Variants in TENM2 observed in about 807,000 individuals in gnomAD.
TENM2 encodes teneurin transmembrane protein 2, also known as teneurin-2.
Under a neutral mutation model 245.2 loss-of-function variants are expected in TENM2, and 52 were observed. The ratio of observed to expected loss-of-function variants is 0.21; its 90% CI spans 0.17 to 0.27. The LOEUF (loss-of-function observed/expected upper bound fraction) is 0.27, where lower values mean the gene tolerates loss of function less well. Among genes scored for constraint, TENM2 ranks in the 10% least tolerant of loss-of-function variants. The pLI is 1.00. For synonymous variants in TENM2, 1,363 were observed against 1,438.9 expected (o/e 0.95, Z 1.19); for missense variants, 3,046 against 3,666.8 (o/e 0.83, Z 4.37).
the TENM2 span, among the ~76,000 whole-genome samples, chr5:167,218,227 G>C: frequency 6.6e-6 from 1 of 151,960 alleles, no homozygotes; most frequent in Non-Finnish European, 1.5e-5. Context: ...CACTGCTTAG[G>C]CTGAAGATAA....
intron 2 of TENM2, among the ~76,000 whole-genome samples, chr5:167,421,081 A>G (rs1763476249): frequency 6.6e-6 from 1 of 152,198 alleles, no homozygotes; most frequent in Admixed American, 6.5e-5. Flanking sequence ...ATAAAATTGT[A>G]AAGGTGTTTT....
intron 24 of TENM2, among the ~76,000 whole-genome samples, chr5:168,227,282 A>G (rs924628252): frequency 6.6e-6 from 1 of 152,164 alleles, no homozygotes; most frequent in South Asian, 2.1e-4. Flanking sequence ...GCACCCACCC[A>G]CTGACTCCAG....
chr5:167,546,379 G>A (rs1772561171), intron 2 of TENM2, among the ~76,000 whole-genome samples: 1 of 152,092 alleles, frequency 6.6e-6, no homozygotes, highest in Non-Finnish European at 1.5e-5. Context: ...TCCCATAAAT[G>A]GCATGATCTC....
chr5:167,974,065 G>GAAGGAAAGAAGGAA (rs1383625830), intron 4 of TENM2, among the ~76,000 whole-genome samples: 2 of 13,900 alleles, frequency 1.4e-4, no homozygotes, highest in Non-Finnish European at 1.2e-4. Context: ...AAAGGAGGGA[G>GAAGGAAAGAAGGAA]GGAGGGAGGA....
At chr5:168,063,964 T>A (rs950249760) in intron 7 of TENM2, among the ~76,000 whole-genome samples, 7 of 151,848 alleles carry the variant, frequency 4.6e-5, no homozygotes, top group Non-Finnish European at 1.0e-4. Flanking sequence ...CCTCCATCCA[T>A]CCATCCATCC....
chr5:167,678,104 A>G (rs973725832), intron 2 of TENM2, among the ~76,000 whole-genome samples: 2 of 152,150 alleles, frequency 1.3e-5, no homozygotes, highest in African/African-American at 4.8e-5. Context: ...AATAGATTTT[A>G]ATACATATGC....
the TENM2 span, among the ~76,000 whole-genome samples, chr5:167,261,922 T>C: frequency 1.3e-5 from 2 of 152,150 alleles, no homozygotes; most frequent in South Asian, 4.1e-4. Flanking sequence ...CTCTAACAGC[T>C]CCATTTTGGG....
At chr5:167,293,467 G>T (rs1265424704) in intron 1 of TENM2, among the ~76,000 whole-genome samples, 1 of 147,446 alleles carries the variant, frequency 6.8e-6, no homozygotes, top group African/African-American at 2.5e-5. Context: ...TGATCCACCC[G>T]CCTCGGGCTT....
Position 168,004,517 on chromosome 5 carries a change from G to GCGCGCACACA in TENM2, c.1186+11336_1186+11337insGCGCACACAC, listed in dbSNP as rs898616203. Among the ~76,000 whole-genome samples the GCGCGCACACA allele has an allele frequency of 7.0e-3, 920 of 132,190 alleles. 10 individuals are homozygous for GCGCGCACACA. The highest frequency in any genetic ancestry group is 0.018 in the African/African-American group (594 of 33,090). The allele number at this position is 132,190 out of a possible 152,430, so 86.7% of individuals were successfully genotyped here. A position where few individuals can be genotyped will look rare whatever the true frequency, so the allele number is the denominator to read the frequency against. ...TTGGGATGCACGCATGCGCGCGCGC[G>GCGCGCACACA]CACACACACACACACACACACACAC... is the stretch of plus-strand genomic sequence containing the variant. On this transcript the variant is annotated intron_variant, in intron 5 of 28. Coordinates refer to ENST00000518659, the Ensembl canonical transcript of TENM2.
intron 2 of TENM2, among the ~76,000 whole-genome samples, chr5:167,378,739 G>A (rs1044870858): frequency 2.6e-5 from 4 of 152,066 alleles, no homozygotes; most frequent in African/African-American, 4.8e-5. Context: ...AAAAGGGGTA[G>A]TCAGTAATAC....
At position 168,098,151 on chromosome 5, in the gene TENM2, A is replaced by C. The variant is rs761423487; in HGVS notation, c.1813+24A>C. On this transcript the variant is annotated intron_variant, in intron 9 of 28. Coordinates refer to ENST00000518659, the Ensembl canonical transcript of TENM2. ...AGGTATGTGCCGCCACTTCCCTGCT[A>C]TGGTTGGAAAACAGACCCTCCCTAG... The C allele has an allele frequency of 3.2e-6, 5 of 1,571,128 alleles. No homozygotes were observed. In the South Asian group the frequency reaches 5.6e-5, roughly 18 times the overall value.
intron 24 of TENM2, 136 bp downstream of exon 26, chr5:168,226,399 A>C (rs545228047): frequency 2.9e-6 from 2 of 698,562 alleles, no homozygotes; most frequent in African/African-American, 1.8e-5. Context: ...ATTTTATTCA[A>C]GTGTCCACAG....
At chr5:167,976,575 T>C (rs549002953) in intron 4 of TENM2, among the ~76,000 whole-genome samples, 2 of 152,304 alleles carry the variant, frequency 1.3e-5, no homozygotes, top group African/African-American at 4.8e-5. Context: ...TCTGATCTTA[T>C]GACAGAAGTA....
chr5:167,490,782 A>T (rs1768383527), intron 2 of TENM2, among the ~76,000 whole-genome samples: 1 of 152,188 alleles, frequency 6.6e-6, no homozygotes, highest in Non-Finnish European at 1.5e-5. Context: ...TTATTAGTTA[A>T]GCCTCTCTAC....
intron 3 of TENM2, among the ~76,000 whole-genome samples, chr5:167,923,181 T>A (rs1430182670): frequency 6.6e-6 from 1 of 152,090 alleles, no homozygotes; most frequent in East Asian, 1.9e-4. Context: ...AAAAATTAAC[T>A]GGGAGTGGTG....
At chr5:167,589,958 AG>A (rs1775768558) in intron 2 of TENM2, among the ~76,000 whole-genome samples, 1 of 151,880 alleles carries the variant, frequency 6.6e-6, no homozygotes, top group Non-Finnish European at 1.5e-5. Flanking sequence ...AAAAGGTAAA[AG>A]CTTGAATAAT....
intron 2 of TENM2, among the ~76,000 whole-genome samples, chr5:167,628,899 G>T (rs1237076428): frequency 6.6e-6 from 1 of 152,072 alleles, no homozygotes; most frequent in East Asian, 1.9e-4. Context: ...TGTATTGCTT[G>T]CATTGTTTTC....
intron 2 of TENM2, among the ~76,000 whole-genome samples, chr5:167,805,012 C>A (rs1196002706): frequency 6.6e-6 from 1 of 152,146 alleles, no homozygotes; most frequent in South Asian, 2.1e-4. Flanking sequence ...CTTGTTTCAC[C>A]TTTGGTGACT....
chr5:167,277,029 T>G, the TENM2 span, among the ~76,000 whole-genome samples: 1 of 152,106 alleles, frequency 6.6e-6, no homozygotes, highest in South Asian at 2.1e-4. Context: ...TTCCTAGAGG[T>G]TTGTCATTCT....
Sources: allele counts gnomAD v4.1 joint callset (sites outside exome capture counted in the v4.1 genomes callset), GRCh38; gene constraint gnomAD v4.1.1; transcripts MANE v1.5; gene names NCBI Gene and HGNC (gene_info 2026-07-23, HGNC 2026-07-21).